Variants in RAP1GAP2 observed in about 807,000 individuals in gnomAD.
RAP1GAP2 encodes rap1 GTPase-activating protein 2.
RAP1GAP2 carries 27 observed loss-of-function variants against 95.0 expected under a neutral mutation model. The observed-to-expected ratio is 0.28, with a 90% confidence interval of 0.21 to 0.39. The LOEUF (loss-of-function observed/expected upper bound fraction) is 0.39, where lower values mean the gene tolerates loss of function less well. RAP1GAP2 is among the 10% of genes least tolerant of loss of function. RAP1GAP2 has a pLI of 1.00. For missense variants in RAP1GAP2, 771 were observed against 970.0 expected, an observed-to-expected ratio of 0.79 and a Z score of 2.72; for synonymous variants, 373 against 380.9, an observed-to-expected ratio of 0.98 and a Z score of 0.24.
chr17:3,014,545 A>ATTTTTTTTT (rs10542901), intron 17 of RAP1GAP2, among the ~76,000 whole-genome samples: 1 of 105,102 alleles, frequency 9.5e-6, no homozygotes, highest in Admixed American at 1.0e-4. Flanking sequence ...AAAGATGCTG[A>ATTTTTTTTT]TTTTTTTTTT....
At chr17:3,011,782 G>T (rs1245288737) in intron 17 of RAP1GAP2, among the ~76,000 whole-genome samples, 1 of 151,848 alleles carries the variant, frequency 6.6e-6, no homozygotes. Flanking sequence ...ACCACACATG[G>T]CTAAATTTTT....
intron 2 of RAP1GAP2, among the ~76,000 whole-genome samples, chr17:2,841,017 T>C (rs112477051): frequency 0.17 from 24,967 of 145,408 alleles, 2,172 homozygotes; most frequent in Middle Eastern, 0.23. Context: ...AAGACCGGTG[T>C]GGTGGCTCAC....
chr17:3,007,306 G>A (rs2046371700), intron 16 of RAP1GAP2, among the ~76,000 whole-genome samples: 2 of 152,210 alleles, frequency 1.3e-5, no homozygotes, highest in African/African-American at 4.8e-5. Flanking sequence ...GGATTGCTCT[G>A]ACAGTGGTGT....
chr17:2,965,257 G>T lies in RAP1GAP2; in HGVS notation c.493-283G>T, dbSNP rs533845932. ...ATCCTGGGCAGTGACTTAACCCCCC[G>T]ACCATTGGTTTTCCCATCTGTGAAA... On this transcript the variant is annotated intron_variant, in intron 7 of 24. Transcript: ENST00000254695. The surrounding 1 kb of genome is among the most constrained non-coding windows in gnomAD (Gnocchi z 4.7). 2.2e-6 allele frequency: 1 copy of T among 448,822 alleles called. No individual in the cohort carries two copies. Among genetic ancestry groups the T allele is most frequent in the African/African-American group, 2.0e-5 (1 of 50,754 alleles). 27.8% of individuals were successfully genotyped at this position (448,822 alleles called of 1,614,324 possible). A position where few individuals can be genotyped will look rare whatever the true frequency, so the allele number is the denominator to read the frequency against.
intron 8 of RAP1GAP2, among the ~76,000 whole-genome samples, chr17:2,979,844 G>A (rs1437033854): frequency 6.6e-6 from 1 of 152,110 alleles, no homozygotes; most frequent in Non-Finnish European, 1.5e-5. Flanking sequence ...GTGATGTGTG[G>A]TTGGGCCACC....
At position 2,998,089 on chromosome 17, in the gene RAP1GAP2, C is replaced by T. The variant is rs150075791; in HGVS notation, c.1045-132C>T. 3.2e-4 allele frequency: 342 copies of T among 1,063,272 alleles called. 1 individual carries two copies. In the African/African-American group the frequency reaches 4.6e-3, roughly 14 times the overall value. The allele number at this position is 1,063,272 out of a possible 1,614,324, so 65.9% of individuals were successfully genotyped here. On this transcript the variant is annotated intron_variant, in intron 13 of 24. Coordinates refer to ENST00000254695, the MANE Select transcript of RAP1GAP2 (RefSeq NM_015085.5). ...TGCTTTCATACTTAAACTTCCAAAA[C>T]AACAACCACGAACTCTTCTCACTCA...
At position 3,033,378 on chromosome 17, in the gene RAP1GAP2, CCTT is replaced by C. The variant is rs2047389780; in HGVS notation, c.*31-13_*31-11del. On this transcript the variant is annotated splice_polypyrimidine_tract_variant and intron_variant, in intron 24 of 24. Transcript: ENST00000254695. The surrounding 1 kb of genome is among the most constrained non-coding windows in gnomAD (Gnocchi z 4.9). Reference sequence around the variant, plus strand: ...GAATGTTCGCTCATCGCCGCCTCCTCCTTGTCTCCTCAGGGAATCCCCTCTTCT... The same window carrying C: ...GAATGTTCGCTCATCGCCGCCTCCTCGTCTCCTCAGGGAATCCCCTCTTCT... The C allele has an allele frequency of 6.5e-6, 1 of 153,026 alleles. No homozygotes were observed. The highest frequency in any genetic ancestry group is 1.5e-5 in the Non-Finnish European group (1 of 68,310). 9.5% of individuals were successfully genotyped at this position (153,026 alleles called of 1,614,324 possible).
chr17:2,956,569 C>T (rs1295506404), intron 3 of RAP1GAP2, among the ~76,000 whole-genome samples: 1 of 152,236 alleles, frequency 6.6e-6, no homozygotes, highest in Non-Finnish European at 1.5e-5. Context: ...TTTCTCTCGT[C>T]TTCACTGGGG....
At chr17:2,896,964 G>A (rs1406679943) in intron 2 of RAP1GAP2, among the ~76,000 whole-genome samples, 3 of 152,208 alleles carry the variant, frequency 2.0e-5, no homozygotes, top group African/African-American at 7.2e-5. Context: ...CTCTCTGTCT[G>A]CTCTATGCAG....
chr17:2,961,613 T>C (rs996108231), intron 4 of RAP1GAP2, among the ~76,000 whole-genome samples: 1 of 152,244 alleles, frequency 6.6e-6, no homozygotes, highest in African/African-American at 2.4e-5. Context: ...CTTAGTCCAG[T>C]CCCAGGCATC....
At chr17:2,791,506 T>C (rs2068923252), upstream of RAP1GAP2, among the ~76,000 whole-genome samples, 1 of 152,246 alleles carries the variant, frequency 6.6e-6, no homozygotes, top group African/African-American at 2.4e-5. Context: ...TGGGCACTGA[T>C]GCACTGTGCA....
intron 8 of RAP1GAP2, among the ~76,000 whole-genome samples, chr17:2,978,418 G>A (rs2045216317): frequency 6.6e-6 from 1 of 152,126 alleles, no homozygotes; most frequent in African/African-American, 2.4e-5. Context: ...TGGGTAGGGA[G>A]CGTGTAGGGC....
chr17:3,015,361 A>C (rs369632784), intron 17 of RAP1GAP2, among the ~76,000 whole-genome samples: 1 of 152,154 alleles, frequency 6.6e-6, no homozygotes, highest in Non-Finnish European at 1.5e-5. Flanking sequence ...CTGAGTCTGC[A>C]TCCCTTGTCA....
At chr17:2,992,067 G>A (rs2045776456) in intron 12 of RAP1GAP2, among the ~76,000 whole-genome samples, 1 of 151,444 alleles carries the variant, frequency 6.6e-6, no homozygotes, top group African/African-American at 2.4e-5. Context: ...CGCCTGGCCT[G>A]AAATGACCTA....
At chr17:2,812,261 C>A (rs896246890) in intron 2 of RAP1GAP2, among the ~76,000 whole-genome samples, 2 of 152,196 alleles carry the variant, frequency 1.3e-5, no homozygotes, top group African/African-American at 4.8e-5. Flanking sequence ...CCAGACTGAA[C>A]TGACTCTCAA....
At chr17:2,882,650 T>C (rs1012681064) in intron 2 of RAP1GAP2, among the ~76,000 whole-genome samples, 1 of 152,186 alleles carries the variant, frequency 6.6e-6, no homozygotes, top group African/African-American at 2.4e-5. Flanking sequence ...GTTGATTGGC[T>C]TTTCATTTCA....
In RAP1GAP2 at chr17:2,992,055, C is replaced by T. The variant is rs149505906; in HGVS notation, c.914+658C>T. ...TGCTAGGATTACCGGCGTGAGCCGC[C>T]GCGCCTGGCCTGAAATGACCTATTT... On this transcript the variant is annotated intron_variant, in intron 12 of 24. Coordinates refer to ENST00000254695, the MANE Select transcript of RAP1GAP2 (RefSeq NM_015085.5). 1.0e-3 allele frequency among the ~76,000 whole-genome samples: 154 copies of T among 152,280 alleles called. 1 individual carries two copies. Among genetic ancestry groups the T allele is most frequent in the Non-Finnish European group, 1.9e-3 (131 of 68,028 alleles).
chr17:2,822,637 T>TG (rs1555547769), intron 2 of RAP1GAP2, among the ~76,000 whole-genome samples: 4,227 of 135,234 alleles, frequency 0.031, 143 homozygotes, highest in East Asian at 0.14. Flanking sequence ...GTTTTTTTTT[T>TG]TTTTTTTTTT....
Position 2,965,654 on chromosome 17 carries a change from T to C in RAP1GAP2, c.596+11T>C. ...CCGGGTCATCCTTAGGTAGGGCTGT[T>C]GCGCTGCTTGAGGCCACTTCTCTTC... On this transcript the variant is annotated intron_variant, in intron 8 of 24. Transcript: ENST00000254695. The surrounding 1 kb of genome is among the most constrained non-coding windows in gnomAD (Gnocchi z 4.7). 6.4e-7 allele frequency: 1 copy of C among 1,572,914 alleles called. No homozygotes were observed. The highest frequency in any genetic ancestry group is 8.7e-7 in the Non-Finnish European group (1 of 1,150,560).
Sources: gnomAD v4.1 joint callset for allele counts (sites outside exome capture counted in the v4.1 genomes callset) on GRCh38, gnomAD v4.1.1 for gene constraint, Gnocchi (gnomAD v3.1) non-coding constraint, MANE v1.5 for transcripts, NCBI Gene and HGNC (gene_info 2026-07-23, HGNC 2026-07-21) for gene names.